BBOF1: variants seen among roughly 807,000 people sequenced by gnomAD.
BBOF1 encodes basal body orientation factor 1.
A neutral mutation model predicts 68.0 loss-of-function variants in BBOF1; 62 were observed. That is an observed-to-expected ratio of 0.91 (90% CI 0.74 to 1.13). BBOF1 has a LOEUF of 1.13. BBOF1 is among the 50% of genes most tolerant of loss of function. The pLI is 0.00. For synonymous variants in BBOF1, 208 were observed against 198.8 expected (o/e 1.05, Z -0.39); for missense variants, 534 against 600.1 (o/e 0.89, Z 1.15).
At chr14:74,029,105 G>A (rs1361936294) in intron 2 of BBOF1, 79 bp from the exon 3 acceptor site, 1 of 864,840 alleles carries the variant, frequency 1.2e-6, no homozygotes, top group Non-Finnish European at 1.9e-6. Flanking sequence ...TTAGTATTGT[G>A]TGAAACTAGT....
intron 11 of BBOF1, among the ~76,000 whole-genome samples, chr14:74,062,103 G>T (rs537224499): frequency 2.2e-4 from 32 of 148,798 alleles, no homozygotes; most frequent in Non-Finnish European, 3.0e-5. Context: ...GGAGCCTGAG[G>T]CAGAATTGCT....
At chr14:74,027,294 C>G (rs958567925) in intron 2 of BBOF1, among the ~76,000 whole-genome samples, 3 of 150,904 alleles carry the variant, frequency 2.0e-5, no homozygotes, top group African/African-American at 7.3e-5. Context: ...ACTGTGCTGG[C>G]CAGGTTGGTC....
chr14:74,072,235 G>T (rs150741770), intron 9 of BBOF1: 2 of 1,614,120 alleles, frequency 1.2e-6, no homozygotes, highest in African/African-American at 2.7e-5. Flanking sequence ...TGATAGCGGA[G>T]CAAGACCTGC....
At chr14:74,034,790 T>TAGTA in intron 4 of BBOF1, among the ~76,000 whole-genome samples, 1 of 152,276 alleles carries the variant, frequency 6.6e-6, no homozygotes, top group African/African-American at 2.4e-5. Flanking sequence ...TAAAATGGGA[T>TAGTA]AGTAAGAGTT....
intron 9 of BBOF1, among the ~76,000 whole-genome samples, chr14:74,074,350 G>C (rs1006918169): frequency 8.1e-5 from 12 of 147,670 alleles, no homozygotes; most frequent in Non-Finnish European, 1.6e-4. Context: ...GCAATGGTGC[G>C]ATCTTGGCTC....
At chr14:74,055,784 C>G (rs111971819) in intron 9 of BBOF1, 99 bp downstream of exon 9, 1 of 821,124 alleles carries the variant, frequency 1.2e-6, no homozygotes, top group East Asian at 2.7e-5. Context: ...ACTAAAGGGA[C>G]GGGAAAGGAC....
chr14:74,053,943 C>T (rs963337689), intron 8 of BBOF1, among the ~76,000 whole-genome samples: 7 of 151,760 alleles, frequency 4.6e-5, no homozygotes, highest in East Asian at 1.9e-4. Flanking sequence ...GGCACAATCT[C>T]GGCTCACTGC....
chr14:74,078,058 C>T (rs1406629932), intron 9 of BBOF1: 5 of 378,558 alleles, frequency 1.3e-5, no homozygotes, highest in African/African-American at 8.4e-5. Context: ...GGGAACATAA[C>T]GAGACTCCAT....
At chr14:74,020,719 G>C (rs2059263806) in intron 1 of BBOF1, among the ~76,000 whole-genome samples, 1 of 152,012 alleles carries the variant, frequency 6.6e-6, no homozygotes, top group Non-Finnish European at 1.5e-5. Flanking sequence ...GGCCAGGCTG[G>C]TCTCGAACTC....
intron 11 of BBOF1, chr14:74,057,853 C>T (rs774446667): frequency 9.7e-7 from 1 of 1,029,982 alleles, no homozygotes; most frequent in Non-Finnish European, 1.2e-6. Flanking sequence ...AAATAGTTGG[C>T]CAGATGAGTT....
intron 9 of BBOF1, among the ~76,000 whole-genome samples, chr14:74,077,907 G>A (rs1191396702): frequency 6.6e-6 from 1 of 152,130 alleles, no homozygotes; most frequent in Non-Finnish European, 1.5e-5. Context: ...TTATAGAAAA[G>A]TAGTTAGCAC....
At chr14:74,044,048 C>G (rs981373335) in intron 5 of BBOF1, among the ~76,000 whole-genome samples, 2 of 151,822 alleles carry the variant, frequency 1.3e-5, no homozygotes, top group Non-Finnish European at 2.9e-5. Flanking sequence ...GAGTTTGAGA[C>G]CAGCCTGGCC....
chr14:74,046,138 A>G lies in BBOF1; in HGVS notation c.647+8A>G, dbSNP rs1182041338. 1.3e-6 allele frequency: 2 copies of G among 1,593,442 alleles called. No homozygotes were observed. The highest frequency in any genetic ancestry group is 1.3e-5 in the African/African-American group (1 of 74,418). ...CCACCATGAGGCTATTGTGTAAGAG[A>G]CTGCTGCCTACTTTCTGACTCTGAT... is the stretch of plus-strand genomic sequence containing the variant. On this transcript the variant is annotated splice_region_variant and intron_variant, in intron 6 of 11. Transcript: ENST00000394009.
At chr14:74,038,898 G>GA (rs1175582109) in intron 4 of BBOF1, among the ~76,000 whole-genome samples, 2 of 150,838 alleles carry the variant, frequency 1.3e-5, no homozygotes, top group African/African-American at 2.4e-5. Flanking sequence ...TCCAAAAAAA[G>GA]AAAAAAAGAA....
chr14:74,069,101 CTTTT>C (rs900873855), downstream of BBOF1: 896 of 458,338 alleles, frequency 2.0e-3, no homozygotes, highest in Non-Finnish European at 2.4e-3. Context: ...TTTACTTTTT[CTTTT>C]TTTTTTTTTT....
At chr14:74,034,264 C>A in intron 4 of BBOF1, 93 bp downstream of exon 4, 1 of 769,278 alleles carries the variant, frequency 1.3e-6, no homozygotes, top group Non-Finnish European at 1.9e-6. Flanking sequence ...TGTGAGACGG[C>A]AAAGAACTCT....
At chr14:74,069,304 A>G (rs916797922), downstream of BBOF1, 2 of 341,124 alleles carry the variant, frequency 5.9e-6, no homozygotes, top group Non-Finnish European at 1.1e-5. Context: ...GGGTTTCACA[A>G]TCTTGGCCAG....
intron 4 of BBOF1, among the ~76,000 whole-genome samples, chr14:74,037,106 G>A (rs1212311277): frequency 6.1e-5 from 9 of 147,294 alleles, no homozygotes; most frequent in African/African-American, 2.2e-4. Context: ...CTGAGTAGCT[G>A]GGACTATAGG....
chr14:74,043,276 C>T (rs2059869478), intron 5 of BBOF1, among the ~76,000 whole-genome samples: 1 of 151,698 alleles, frequency 6.6e-6, no homozygotes, highest in South Asian at 2.1e-4. Flanking sequence ...GTCGGCCAGG[C>T]GCGGTGGCTC....
Sources: gnomAD v4.1 joint callset for allele counts (sites outside exome capture counted in the v4.1 genomes callset) on GRCh38, gnomAD v4.1.1 for gene constraint, MANE v1.5 for transcripts, NCBI Gene and HGNC (gene_info 2026-07-23, HGNC 2026-07-21) for gene names.